Variants in MMP24 observed in about 807,000 individuals in gnomAD.
The protein encoded by MMP24 is matrix metallopeptidase 24, also known as matrix metalloproteinase-24.
Under a neutral mutation model 62.8 loss-of-function variants are expected in MMP24, and 25 were observed. The ratio of observed to expected loss-of-function variants is 0.40; its 90% CI spans 0.29 to 0.56. MMP24 has a LOEUF of 0.56. Ranked by LOEUF, MMP24 falls within the 20% of genes least tolerant of loss-of-function variation. The pLI, the probability that MMP24 is intolerant of heterozygous loss-of-function variation, is 0.50. For missense variants in MMP24, 634 were observed against 853.6 expected, an observed-to-expected ratio of 0.74 and a Z score of 3.21; for synonymous variants, 319 against 350.5, an observed-to-expected ratio of 0.91 and a Z score of 1.00.
chr20:35,246,696 A>T, intron 1 of MMP24, 144 bp from the exon 2 acceptor site: 1 of 865,100 alleles, frequency 1.2e-6, no homozygotes, highest in South Asian at 1.7e-5. Context: ...TGTCTGCAGG[A>T]TGGGGTGAAG....
intron 3 of MMP24, 55 bp downstream of exon 3, chr20:35,252,076 T>G: frequency 7.1e-7 from 1 of 1,414,714 alleles, no homozygotes; most frequent in East Asian, 2.3e-5. Context: ...CACTCTGTTT[T>G]TCCTGGCCTG....
chr20:35,246,520 G>T (rs1321977483), intron 1 of MMP24, among the ~76,000 whole-genome samples: 3 of 152,082 alleles, frequency 2.0e-5, no homozygotes, highest in Non-Finnish European at 4.4e-5. Flanking sequence ...TCCAGGTCTA[G>T]TCCAATATCA....
Position 35,274,124 on chromosome 20 carries a change from C to T in MMP24, c.1601-148C>T, listed in dbSNP as rs2060689141. ...TGCCCCCCTCTGCAGCTTCTTACTC[C>T]ATGACTCAGCCAAGCACTGCACCCC... is the stretch of plus-strand genomic sequence containing the variant. On this transcript the variant is annotated intron_variant, in intron 8 of 8. Transcript: ENST00000246186. This position sits in a 1 kb window ranked among gnomAD's most constrained non-coding sequence, Gnocchi z 5.1. The T allele has an allele frequency of 1.3e-6, 1 of 751,684 alleles. No individual in the cohort carries two copies. The highest frequency in any genetic ancestry group is 2.1e-6 in the Non-Finnish European group (1 of 470,128). The allele number at this position is 751,684 out of a possible 1,614,324, so 46.6% of individuals were successfully genotyped here.
At chr20:35,235,567 G>A (rs1158029846) in intron 1 of MMP24, among the ~76,000 whole-genome samples, 1 of 151,852 alleles carries the variant, frequency 6.6e-6, no homozygotes, top group African/African-American at 2.4e-5. Flanking sequence ...GCGTGGTGGT[G>A]GGCACCTGTA....
At chr20:35,233,073 A>G (rs945588368) in intron 1 of MMP24, among the ~76,000 whole-genome samples, 3 of 152,174 alleles carry the variant, frequency 2.0e-5, no homozygotes, top group Admixed American at 6.6e-5. Context: ...TAAAGACTCA[A>G]TTCTATGCCA....
chr20:35,231,286 G>A (rs559656836), intron 1 of MMP24, among the ~76,000 whole-genome samples: 2 of 152,316 alleles, frequency 1.3e-5, no homozygotes, highest in Admixed American at 6.5e-5. Flanking sequence ...AGTGGTTTGT[G>A]CTGAGGAGAT....
Position 35,269,730 on chromosome 20 carries a change from C to A in MMP24, c.1195-30C>A. 1 of 1,558,622 alleles carries A rather than the reference C, an allele frequency of 6.4e-7. No homozygotes were observed. Among genetic ancestry groups the A allele is most frequent in the South Asian group, 1.2e-5 (1 of 84,290 alleles). On this transcript the variant is annotated intron_variant, in intron 6 of 8. Transcript: ENST00000246186. The surrounding 1 kb of genome is among the most constrained non-coding windows in gnomAD (Gnocchi z 4.6). Reference sequence around the variant, plus strand: ...GGGTTCGGAGGCAGGGCCTGACACACCTCTCTCCCCCTCTCCCGCTTCCTC... The same window carrying A: ...GGGTTCGGAGGCAGGGCCTGACACAACTCTCTCCCCCTCTCCCGCTTCCTC...
chr20:35,263,480 G>C (rs2146231366), intron 4 of MMP24: 1 of 210,410 alleles, frequency 4.8e-6, no homozygotes, highest in East Asian at 1.0e-4. Context: ...TCACCTTTGT[G>C]AAGCTTTCCC....
chr20:35,250,642 G>C (rs986772628), intron 2 of MMP24, among the ~76,000 whole-genome samples: 1 of 152,082 alleles, frequency 6.6e-6, no homozygotes, highest in African/African-American at 2.4e-5. Context: ...GTTGGCTCAG[G>C]GTTCCACAGG....
chr20:35,235,352 A>G (rs2060457792), intron 1 of MMP24, among the ~76,000 whole-genome samples: 1 of 152,140 alleles, frequency 6.6e-6, no homozygotes, highest in South Asian at 2.1e-4. Context: ...TACAGAGAGC[A>G]GAGATTGTAC....
Position 35,276,423 on chromosome 20 carries a change from A to C in MMP24, c.*1814A>C, listed in dbSNP as rs1367858634. Reference sequence around the variant, plus strand: ...CATGAAACTCGTGTTAGGCCCTGGGAGGCCGACGGTAACTCTCACCGTGCC... The same window carrying C: ...CATGAAACTCGTGTTAGGCCCTGGGCGGCCGACGGTAACTCTCACCGTGCC... On this transcript the variant is annotated 3_prime_UTR_variant, in exon 9 of 9. Transcript: ENST00000246186. 2.5e-6 allele frequency: 1 copy of C among 397,898 alleles called. No homozygotes were observed. The highest frequency in any genetic ancestry group is 2.1e-5 in the African/African-American group (1 of 48,642). The allele number at this position is 397,898 out of a possible 1,614,324, so 24.6% of individuals were successfully genotyped here.
intron 2 of MMP24, among the ~76,000 whole-genome samples, chr20:35,248,362 G>A (rs1437621456): frequency 3.4e-5 from 5 of 148,378 alleles, no homozygotes; most frequent in African/African-American, 1.3e-4. Context: ...CTGGAGGGCA[G>A]TGGCGTGATC....
Position 35,269,904 on chromosome 20 carries a change from G to A in MMP24, c.1333+6G>A, listed in dbSNP as rs1204244386. 1 of 1,551,724 alleles carries A rather than the reference G, an allele frequency of 6.4e-7. No homozygotes were observed. Among genetic ancestry groups the A allele is most frequent in the Admixed American group, 2.0e-5 (1 of 50,986 alleles). ...GAGATTTGTCTTCTTCAAAGGTAAT[G>A]TAGACTGTGCTGTGGGACAGTTCCC... On this transcript the variant is annotated splice_donor_region_variant and intron_variant, in intron 7 of 8. Transcript: ENST00000246186. The surrounding 1 kb of genome is among the most constrained non-coding windows in gnomAD (Gnocchi z 4.6).
chr20:35,244,629 G>T (rs1260765191), intron 1 of MMP24, among the ~76,000 whole-genome samples: 1 of 151,974 alleles, frequency 6.6e-6, no homozygotes, highest in Non-Finnish European at 1.5e-5. Flanking sequence ...TAGTAGAGAC[G>T]GGGTTTCACC....
At chr20:35,256,945 G>A (rs931651806) in intron 4 of MMP24, among the ~76,000 whole-genome samples, 2 of 152,046 alleles carry the variant, frequency 1.3e-5, no homozygotes, top group Admixed American at 1.3e-4. Context: ...TTATAAACGG[G>A]GATTCCCAGG....
Position 35,254,677 on chromosome 20 carries a change from TC to T in MMP24, c.743del (p.Pro248LeufsTer19). 6.2e-7 allele frequency: 1 copy of T among 1,614,136 alleles called. No homozygotes were observed. The highest frequency in any genetic ancestry group is 8.5e-7 in the Non-Finnish European group (1 of 1,180,024). ...GGGGGATTCCTGGCCCATGCCTACT[TC>T]CCTGGCCCAGGGATTGGAGGAGACA... The part of the protein sequence containing the change: ...GEGGFLAHAY[F>X]PGPGIGGDTH... On this transcript the variant is annotated frameshift_variant, in exon 4 of 9. Transcript: ENST00000246186. LOFTEE classifies it high-confidence loss of function.
intron 3 of MMP24, 89 bp downstream of exon 3, chr20:35,252,110 G>A: frequency 1.9e-6 from 2 of 1,065,146 alleles, no homozygotes; most frequent in South Asian, 2.6e-5. Context: ...CACAATGTAG[G>A]GGGGCCTGGG....
chr20:35,241,020 G>A (rs1333941382), intron 1 of MMP24, among the ~76,000 whole-genome samples: 1 of 152,196 alleles, frequency 6.6e-6, no homozygotes, highest in African/African-American at 2.4e-5. Context: ...TTTAACAAAG[G>A]AGGTGACATT....
At chr20:35,263,671 G>C in intron 4 of MMP24, 120 bp from the exon 5 acceptor site, 1 of 777,032 alleles carries the variant, frequency 1.3e-6, no homozygotes, top group South Asian at 2.2e-5. Context: ...GTATGTCCCT[G>C]GTGTCCAGCA....
Sources: gnomAD v4.1 joint callset for allele counts (sites outside exome capture counted in the v4.1 genomes callset) on GRCh38, gnomAD v4.1.1 for gene constraint, Gnocchi (gnomAD v3.1) non-coding constraint, MANE v1.5 for transcripts, NCBI Gene and HGNC (gene_info 2026-07-23, HGNC 2026-07-21) for gene names.